CDH12: variants seen among roughly 807,000 people sequenced by gnomAD.
The protein encoded by CDH12 is cadherin 12.
A neutral mutation model predicts 74.1 loss-of-function variants in CDH12; 41 were observed. That is an observed-to-expected ratio of 0.55 (90% CI 0.43 to 0.72). The LOEUF (loss-of-function observed/expected upper bound fraction) is 0.72, where lower values mean the gene tolerates loss of function less well. Among genes scored for constraint, CDH12 ranks in the 30% least tolerant of loss-of-function variants. The pLI is 0.00. For missense variants in CDH12, 945 were observed against 977.2 expected, an observed-to-expected ratio of 0.97 and a Z score of 0.44; for synonymous variants, 399 against 355.0, an observed-to-expected ratio of 1.12 and a Z score of -1.39.
intron 1 of CDH12, among the ~76,000 whole-genome samples, chr5:22,529,222 GAGAA>G (rs1421830612): frequency 2.3e-4 from 33 of 144,302 alleles, no homozygotes; most frequent in African/African-American, 7.3e-4. Context: ...GAGAGAGAGA[GAGAA>G]GAGAGAGAGA....
intron 4 of CDH12, among the ~76,000 whole-genome samples, chr5:22,149,227 G>T (rs146348592): frequency 6.6e-6 from 1 of 152,206 alleles, no homozygotes; most frequent in African/African-American, 2.4e-5. Flanking sequence ...TCTAAAAAGG[G>T]TCATATTTAT....
At chr5:22,279,994 C>T (rs1736806194) in intron 3 of CDH12, among the ~76,000 whole-genome samples, 1 of 152,144 alleles carries the variant, frequency 6.6e-6, no homozygotes, top group African/African-American at 2.4e-5. Flanking sequence ...GTCCCACCAA[C>T]AGTGTAAAAG....
chr5:22,125,039 G>C (rs189927884), intron 4 of CDH12, among the ~76,000 whole-genome samples: 2 of 152,122 alleles, frequency 1.3e-5, no homozygotes, highest in Admixed American at 1.3e-4. Context: ...TGCTTCAAGG[G>C]GAGTGGGTTA....
chr5:22,624,070 T>A (rs1450216693), intron 1 of CDH12, among the ~76,000 whole-genome samples: 1 of 152,142 alleles, frequency 6.6e-6, no homozygotes. Flanking sequence ...GGGGAAAGGA[T>A]TCCCTATTTA....
intron 4 of CDH12, among the ~76,000 whole-genome samples, chr5:22,133,117 A>G (rs1270914285): frequency 6.6e-6 from 1 of 152,086 alleles, no homozygotes; most frequent in Non-Finnish European, 1.5e-5. Flanking sequence ...AATAAATAAA[A>G]TTGTTTTTCA....
intron 6 of CDH12, among the ~76,000 whole-genome samples, chr5:21,881,163 A>G (rs1435629448): frequency 6.6e-6 from 1 of 152,220 alleles, no homozygotes; most frequent in African/African-American, 2.4e-5. Context: ...GAAATGTAGT[A>G]TTCTAAAAAC....
At chr5:22,026,609 T>A (rs1480320124) in intron 5 of CDH12, among the ~76,000 whole-genome samples, 1 of 152,164 alleles carries the variant, frequency 6.6e-6, no homozygotes, top group Non-Finnish European at 1.5e-5. Flanking sequence ...TCATTATGCT[T>A]CTAATGAGTT....
chr5:22,056,937 A>G (rs1740783751), intron 5 of CDH12, among the ~76,000 whole-genome samples: 1 of 152,152 alleles, frequency 6.6e-6, no homozygotes, highest in African/African-American at 2.4e-5. Flanking sequence ...CATTTCTGAC[A>G]ACCAACATCT....
intron 1 of CDH12, among the ~76,000 whole-genome samples, chr5:22,650,028 A>C (rs1739650454): frequency 6.6e-6 from 1 of 152,052 alleles, no homozygotes; most frequent in Non-Finnish European, 1.5e-5. Flanking sequence ...TAAATGTCTA[A>C]ATTAAATGGG....
chr5:22,837,532 C>T (rs979757439), intron 1 of CDH12, among the ~76,000 whole-genome samples: 3 of 152,118 alleles, frequency 2.0e-5, no homozygotes, highest in Non-Finnish European at 4.4e-5. Flanking sequence ...TTGTATTACA[C>T]AGAAACATAT....
chr5:22,490,704 T>A (rs1248503001), intron 2 of CDH12, among the ~76,000 whole-genome samples: 1 of 152,152 alleles, frequency 6.6e-6, no homozygotes, highest in Non-Finnish European at 1.5e-5. Flanking sequence ...AATATACACA[T>A]TTTAAATAAA....
rs553801996 is a variant in CDH12, at chr5:22,319,315, G to T, written c.-333+85942C>A. On this transcript the variant is annotated intron_variant, in intron 3 of 14. Coordinates refer to ENST00000382254, the MANE Select transcript of CDH12 (RefSeq NM_004061.5). Reference sequence around the variant, plus strand: ...AGCAAAGGGTTAACTTGAAAGCTGGGATGTCAACCTTTCTTATTCCCTTTT... The same window carrying T: ...AGCAAAGGGTTAACTTGAAAGCTGGTATGTCAACCTTTCTTATTCCCTTTT... Among the ~76,000 whole-genome samples the T allele has an allele frequency of 4.6e-5, 7 of 152,270 alleles. No homozygotes were observed. In the South Asian group the frequency reaches 1.5e-3, roughly 32 times the overall value.
chr5:22,456,104 A>T (rs1009511173), intron 2 of CDH12, among the ~76,000 whole-genome samples: 11 of 90,244 alleles, frequency 1.2e-4, no homozygotes, highest in African/African-American at 5.5e-4. Context: ...TGCCATGTGG[A>T]TATTATATAT....
At chr5:21,880,307 A>G (rs1209651376) in intron 6 of CDH12, among the ~76,000 whole-genome samples, 4 of 152,194 alleles carry the variant, frequency 2.6e-5, no homozygotes, top group Non-Finnish European at 4.4e-5. Flanking sequence ...TCTTTTCTAT[A>G]GAATCTGTTA....
chr5:21,892,348 T>G (rs1463082416), intron 6 of CDH12, among the ~76,000 whole-genome samples: 1 of 152,146 alleles, frequency 6.6e-6, no homozygotes, highest in Non-Finnish European at 1.5e-5. Flanking sequence ...ATATGAACTT[T>G]CCTAGAATGG....
intron 6 of CDH12, among the ~76,000 whole-genome samples, chr5:21,954,099 T>C (rs1353992014): frequency 6.7e-6 from 1 of 149,978 alleles, no homozygotes; most frequent in Non-Finnish European, 1.5e-5. Flanking sequence ...TCAGAATATA[T>C]AATACTGTTG....
At chr5:21,885,989 G>T (rs1752609184) in intron 6 of CDH12, among the ~76,000 whole-genome samples, 1 of 152,078 alleles carries the variant, frequency 6.6e-6, no homozygotes, top group Admixed American at 6.5e-5. Context: ...TATTGTATGT[G>T]AACTTCCTTG....
chr5:22,426,002 C>T (rs1450601809), intron 2 of CDH12, among the ~76,000 whole-genome samples: 1 of 151,900 alleles, frequency 6.6e-6, no homozygotes, highest in Admixed American at 6.6e-5. Context: ...CCCTGGCCAA[C>T]ATGATGAAAC....
At chr5:22,226,404 CAA>C (rs1359802305) in intron 3 of CDH12, among the ~76,000 whole-genome samples, 1 of 151,846 alleles carries the variant, frequency 6.6e-6, no homozygotes, top group Non-Finnish European at 1.5e-5. Flanking sequence ...AGATTTGAAA[CAA>C]GAGGGGATGC....
Sources: allele counts gnomAD v4.1 joint callset (sites outside exome capture counted in the v4.1 genomes callset), GRCh38; gene constraint gnomAD v4.1.1; transcripts MANE v1.5; gene names NCBI Gene and HGNC (gene_info 2026-07-23, HGNC 2026-07-21).